XXYLT1: variants seen among roughly 807,000 people sequenced by gnomAD.
The protein encoded by XXYLT1 is UDP-xylose:alpha-xyloside alpha-1,3-xylosyltransferase.
XXYLT1 carries 20 observed loss-of-function variants against 28.9 expected under a neutral mutation model. That is an observed-to-expected ratio of 0.69 (90% CI 0.49 to 1.00). XXYLT1 has a LOEUF of 1.00. XXYLT1 is among the 50% of genes least tolerant of loss of function. The probability of loss-of-function intolerance (pLI) is 0.00; values close to 1 mark genes in which losing one functional copy is unlikely to be tolerated. For missense variants in XXYLT1, 542 were observed against 560.1 expected (o/e 0.97, Z 0.33); for synonymous variants, 257 against 253.8 (o/e 1.01, Z -0.12).
intron 1 of XXYLT1, 39 bp from the exon 2 acceptor site, chr3:195,226,895 A>G: frequency 1.2e-6 from 2 of 1,604,718 alleles, no homozygotes; most frequent in Non-Finnish European, 1.7e-6. Flanking sequence ...TCAGCAAACC[A>G]GTTCTCACTG....
chr3:195,132,725 G>A (rs1718964501), intron 3 of XXYLT1, among the ~76,000 whole-genome samples: 1 of 152,178 alleles, frequency 6.6e-6, no homozygotes, highest in South Asian at 2.1e-4. Flanking sequence ...CGGCTTACTT[G>A]GAGATTTGCA....
intron 1 of XXYLT1, among the ~76,000 whole-genome samples, chr3:195,251,408 G>A (rs531736788): frequency 6.6e-6 from 1 of 152,222 alleles, no homozygotes; most frequent in Non-Finnish European, 1.5e-5. Flanking sequence ...CCCTATAGGA[G>A]CCAGCCCAGA....
chr3:195,131,802 G>T (rs1337090648), intron 3 of XXYLT1, among the ~76,000 whole-genome samples: 1 of 152,188 alleles, frequency 6.6e-6, no homozygotes, highest in Non-Finnish European at 1.5e-5. Context: ...TTACCACACA[G>T]TGAAAAGAAC....
Position 195,150,994 on chromosome 3 carries a change from A to G in XXYLT1, c.785+5455T>C, listed in dbSNP as rs1158718816. Among the ~76,000 whole-genome samples, 2 of 151,912 alleles carry G rather than the reference A, an allele frequency of 1.3e-5. No homozygotes were observed. The highest frequency in any genetic ancestry group is 2.4e-5 in the African/African-American group (1 of 41,312). On this transcript the variant is annotated intron_variant, in intron 3 of 3. Transcript: ENST00000310380. This position sits in a 1 kb window ranked among gnomAD's most constrained non-coding sequence, Gnocchi z 4.7. ...GTGGCCTCCCCAAATGACCCAGTCCACAGTTGGGCTTCCTAACTCTACAGA... is the reference window on the plus strand; with the variant it reads ...GTGGCCTCCCCAAATGACCCAGTCCGCAGTTGGGCTTCCTAACTCTACAGA...
chr3:195,143,424 A>T (rs972807006), intron 3 of XXYLT1, among the ~76,000 whole-genome samples: 3 of 152,282 alleles, frequency 2.0e-5, no homozygotes, highest in African/African-American at 7.2e-5. Flanking sequence ...TGAAATCAGA[A>T]GCTTTTACGT....
chr3:195,270,686 G>A lies in XXYLT1; in HGVS notation c.373C>T (p.Leu125=), dbSNP rs769792523. The A allele has an allele frequency of 7.6e-6, 12 of 1,588,146 alleles. No homozygotes were observed. The change falls in exon 1 of 4, where the codon CTG becomes TTG. Residue 125 remains leucine (L), a synonymous_variant. Transcript: ENST00000310380. The stretch of plus-strand genomic sequence containing the variant: ...GCCTCGAACTTGGCGAGGCGCAGCA[G>A]TGAGCGCAGCGCGACGCGGGCCTTG... The part of the protein sequence containing the change: ...QAKARVALRS[L]LRLAKFEAHE...
chr3:195,220,060 A>T (rs1193406440), intron 2 of XXYLT1, among the ~76,000 whole-genome samples: 1 of 152,010 alleles, frequency 6.6e-6, no homozygotes. Flanking sequence ...TGTTATGGAG[A>T]TTTCAGAAAC....
chr3:195,117,651 C>T (rs1329239078), intron 3 of XXYLT1, among the ~76,000 whole-genome samples: 1 of 146,728 alleles, frequency 6.8e-6, no homozygotes, highest in Non-Finnish European at 1.5e-5. Flanking sequence ...GCACCCCCCT[C>T]TCTCACGCAC....
At chr3:195,187,210 C>G (rs13064052) in intron 2 of XXYLT1, among the ~76,000 whole-genome samples, 3 of 150,442 alleles carry the variant, frequency 2.0e-5, no homozygotes, top group Admixed American at 2.0e-4. Flanking sequence ...TGCACTCCAG[C>G]CTGGGCCGCA....
chr3:195,073,034 G>A (rs932999356), intron 3 of XXYLT1, among the ~76,000 whole-genome samples: 4 of 152,104 alleles, frequency 2.6e-5, no homozygotes, highest in African/African-American at 7.2e-5. Flanking sequence ...TCTCCACCTC[G>A]GCTCCCTCTC....
At chr3:195,122,249 A>T (rs1718399571) in intron 3 of XXYLT1, 1 of 691,250 alleles carries the variant, frequency 1.4e-6, no homozygotes. Context: ...ACTGGGGGTT[A>T]GGATTTCAAC....
At chr3:195,130,110 T>C (rs1718830905) in intron 3 of XXYLT1, among the ~76,000 whole-genome samples, 1 of 152,258 alleles carries the variant, frequency 6.6e-6, no homozygotes, top group South Asian at 2.1e-4. Flanking sequence ...GCCATTTGAA[T>C]GTCTCTCCTG....
At chr3:195,199,179 G>A (rs545262762) in intron 2 of XXYLT1, among the ~76,000 whole-genome samples, 1 of 149,192 alleles carries the variant, frequency 6.7e-6, no homozygotes, top group African/African-American at 2.6e-5. Flanking sequence ...CGTGTGGGCA[G>A]GGCTAGGAGT....
At chr3:195,082,598 A>C (rs1484637840) in intron 3 of XXYLT1, among the ~76,000 whole-genome samples, 1 of 152,212 alleles carries the variant, frequency 6.6e-6, no homozygotes, top group African/African-American at 2.4e-5. Flanking sequence ...CACGCCTGTA[A>C]TCCCAGCACT....
intron 2 of XXYLT1, among the ~76,000 whole-genome samples, chr3:195,158,760 T>C (rs1312967168): frequency 6.6e-6 from 1 of 152,248 alleles, no homozygotes; most frequent in Non-Finnish European, 1.5e-5. Flanking sequence ...CGGGCACCTG[T>C]CCAGGAGGTT....
At chr3:195,262,062 T>C (rs1028246522) in intron 1 of XXYLT1, among the ~76,000 whole-genome samples, 8 of 152,244 alleles carry the variant, frequency 5.3e-5, no homozygotes, top group African/African-American at 1.9e-4. Context: ...ACAGCAGCAT[T>C]ATTCATAATA....
At chr3:195,171,377 G>A (rs982109524) in intron 2 of XXYLT1, among the ~76,000 whole-genome samples, 2 of 152,226 alleles carry the variant, frequency 1.3e-5, no homozygotes, top group African/African-American at 4.8e-5. Flanking sequence ...GAGTCAGTCA[G>A]TGCTATTTTT....
rs145721023 is a variant in XXYLT1, at chr3:195,105,489, G to A, written c.786-35378C>T. On this transcript the variant is annotated intron_variant, in intron 3 of 3. Transcript: ENST00000310380. ...CTTACGCCCAAAGGCAAAGGGCCACGTGAAGTCCACAGCAGGACTCAAGTG... is the reference window on the plus strand; with the variant it reads ...CTTACGCCCAAAGGCAAAGGGCCACATGAAGTCCACAGCAGGACTCAAGTG... Among the ~76,000 whole-genome samples, 30 of 152,328 alleles carry A rather than the reference G, an allele frequency of 2.0e-4. No homozygotes were observed. The East Asian group carries it at 2.1e-3, about 11-fold the overall frequency.
At chr3:195,086,811 C>T (rs528415403) in intron 3 of XXYLT1, among the ~76,000 whole-genome samples, 29 of 152,124 alleles carry the variant, frequency 1.9e-4, no homozygotes, top group African/African-American at 6.7e-4. Context: ...GCTCTAAGAA[C>T]GGATGCATGT....
Sources: allele counts gnomAD v4.1 joint callset (sites outside exome capture counted in the v4.1 genomes callset), GRCh38; gene constraint gnomAD v4.1.1; non-coding constraint Gnocchi (gnomAD v3.1); transcripts MANE v1.5; gene names NCBI Gene and HGNC (gene_info 2026-07-23, HGNC 2026-07-21).